JADE1: variants seen among roughly 807,000 people sequenced by gnomAD.
The protein encoded by JADE1 is jade family PHD finger 1.
Under a neutral mutation model 81.8 loss-of-function variants are expected in JADE1, and 14 were observed. The ratio of observed to expected loss-of-function variants is 0.17; its 90% CI spans 0.11 to 0.27. The LOEUF is 0.27. Ranked by LOEUF, JADE1 falls within the 10% of genes least tolerant of loss-of-function variation. The pLI, the probability that JADE1 is intolerant of heterozygous loss-of-function variation, is 1.00. For missense variants in JADE1, 690 were observed against 1,047.9 expected (o/e 0.66, Z 4.71); for synonymous variants, 353 against 391.9 (o/e 0.90, Z 1.17).
chr4:128,833,755 C>T (rs1017481432), intron 2 of JADE1, among the ~76,000 whole-genome samples: 2 of 152,156 alleles, frequency 1.3e-5, no homozygotes, highest in Non-Finnish European at 2.9e-5. Flanking sequence ...GAATTACCTC[C>T]ATATAAAGAT....
chr4:128,865,389 G>A (rs986049185), intron 9 of JADE1, among the ~76,000 whole-genome samples: 2 of 152,176 alleles, frequency 1.3e-5, no homozygotes, highest in African/African-American at 4.8e-5. Flanking sequence ...GGGATGATCA[G>A]GTTTAAGGTG....
chr4:128,869,233 A>G (rs1732007103), intron 10 of JADE1, among the ~76,000 whole-genome samples: 1 of 152,172 alleles, frequency 6.6e-6, no homozygotes, highest in African/African-American at 2.4e-5. Context: ...AGTGTATATC[A>G]TTAGCTGGAA....
intron 1 of JADE1, among the ~76,000 whole-genome samples, chr4:128,815,293 G>A (rs981665607): frequency 6.6e-6 from 1 of 151,946 alleles, no homozygotes; most frequent in South Asian, 2.1e-4. Context: ...ATTAAGACGG[G>A]GTTTCACCGT....
intron 10 of JADE1, among the ~76,000 whole-genome samples, chr4:128,870,654 G>A (rs1244910649): frequency 6.6e-6 from 1 of 152,140 alleles, no homozygotes; most frequent in Non-Finnish European, 1.5e-5. Context: ...ACTCTTACTA[G>A]GTCATGCTGT....
At chr4:128,862,519 T>G in intron 9 of JADE1, 1 of 1,238,042 alleles carries the variant, frequency 8.1e-7, no homozygotes. Flanking sequence ...CCCACCCCCA[T>G]TCCTTCATTC....
Position 128,872,330 on chromosome 4 carries a change from G to C in JADE1, c.*68G>C, listed in dbSNP as rs1017185356. The stretch of plus-strand genomic sequence containing the variant: ...GTTTGCTAGAGGAGAGCTCTGATGT[G>C]GGGGAGAAGCAGAAACCCATTAATC... On this transcript the variant is annotated 3_prime_UTR_variant, in exon 11 of 11. Coordinates refer to ENST00000226319, the MANE Select transcript of JADE1 (RefSeq NM_199320.4). 1.0e-5 allele frequency: 14 copies of C among 1,365,746 alleles called. No individual in the cohort carries two copies. The African/African-American group carries it at 1.9e-4, about 18-fold the overall frequency. 84.6% of individuals were successfully genotyped at this position (1,365,746 alleles called of 1,614,324 possible).
intron 8 of JADE1, among the ~76,000 whole-genome samples, chr4:128,860,499 G>A (rs530579286): frequency 1.3e-5 from 2 of 152,320 alleles, no homozygotes; most frequent in East Asian, 3.9e-4. Flanking sequence ...TGAATGAGTT[G>A]AATTCAACTT....
At chr4:128,864,807 C>T (rs747200126) in intron 9 of JADE1, 68 of 172,160 alleles carry the variant, frequency 3.9e-4, no homozygotes, top group Non-Finnish European at 1.2e-4. Context: ...ATGGTGACTG[C>T]TCTTCCTTCA....
At chr4:128,827,623 G>A (rs1311639930) in intron 1 of JADE1, among the ~76,000 whole-genome samples, 2 of 152,182 alleles carry the variant, frequency 1.3e-5, no homozygotes, top group Non-Finnish European at 2.9e-5. Flanking sequence ...TTTGTAATGT[G>A]GAATGGAGGG....
chr4:128,815,899 G>A (rs962695796), intron 1 of JADE1, among the ~76,000 whole-genome samples: 33 of 152,112 alleles, frequency 2.2e-4, no homozygotes, highest in Admixed American at 2.0e-4. Context: ...TTTTATTTGG[G>A]TTGGCATTAA....
chr4:128,811,309 C>G (rs1726335675), intron 1 of JADE1: 1 of 152,430 alleles, frequency 6.6e-6, no homozygotes, highest in Non-Finnish European at 1.5e-5. Context: ...CGGAGCGCGG[C>G]GGCGGGAGGC....
At chr4:128,869,283 T>C (rs1356813931) in intron 10 of JADE1, among the ~76,000 whole-genome samples, 1 of 152,160 alleles carries the variant, frequency 6.6e-6, no homozygotes, top group African/African-American at 2.4e-5. Context: ...ATAAATTTTC[T>C]AAGTAGGGTG....
chr4:128,843,169 A>G, intron 3 of JADE1, 131 bp downstream of exon 3: 1 of 672,102 alleles, frequency 1.5e-6, no homozygotes, highest in Non-Finnish European at 2.5e-6. Context: ...AATCTGTAAG[A>G]CGGGGAGAAC....
intron 5 of JADE1, 81 bp downstream of exon 5, chr4:128,849,248 C>T (rs1161716469): frequency 7.3e-6 from 9 of 1,230,318 alleles, no homozygotes; most frequent in Non-Finnish European, 9.0e-6. Context: ...TAGCAGAAAG[C>T]TCCTTATTGC....
chr4:128,824,666 C>T (rs530856931), intron 1 of JADE1, among the ~76,000 whole-genome samples: 5 of 152,186 alleles, frequency 3.3e-5, no homozygotes, highest in South Asian at 2.1e-4. Context: ...GGTAACAGTA[C>T]GGGAACTAAG....
intron 8 of JADE1, among the ~76,000 whole-genome samples, chr4:128,858,602 A>C (rs1730998448): frequency 7.6e-6 from 1 of 131,080 alleles, no homozygotes; most frequent in African/African-American, 2.5e-5. Flanking sequence ...GTGGTTTTAA[A>C]ATTTTTTTTT....
chr4:128,811,260 A>C (rs1726328855), intron 1 of JADE1: 1 of 152,214 alleles, frequency 6.6e-6, no homozygotes. Flanking sequence ...GCCTTCGGGC[A>C]GGAGGCGGGG....
chr4:128,868,523 C>T (rs141588073), intron 10 of JADE1, among the ~76,000 whole-genome samples: 1 of 152,196 alleles, frequency 6.6e-6, no homozygotes, highest in African/African-American at 2.4e-5. Context: ...TATTTAGTGT[C>T]TTCTATTTTA....
At chr4:128,834,419 C>A (rs36120426) in intron 2 of JADE1, among the ~76,000 whole-genome samples, 1 of 152,042 alleles carries the variant, frequency 6.6e-6, no homozygotes, top group Non-Finnish European at 1.5e-5. Context: ...CTTTCAAGGC[C>A]CTGTCTCCAA....
Sources: gnomAD v4.1 joint callset for allele counts (sites outside exome capture counted in the v4.1 genomes callset) on GRCh38, gnomAD v4.1.1 for gene constraint, MANE v1.5 for transcripts, NCBI Gene and HGNC (gene_info 2026-07-23, HGNC 2026-07-21) for gene names.